Variants in GRIN2B observed in about 807,000 individuals in gnomAD.
The protein encoded by GRIN2B is glutamate receptor ionotropic, NMDA 2B.
GRIN2B carries 5 observed loss-of-function variants against 114.5 expected under a neutral mutation model. That is an observed-to-expected ratio of 0.04 (90% CI 0.02 to 0.09). The LOEUF (loss-of-function observed/expected upper bound fraction) is 0.09, where lower values mean the gene tolerates loss of function less well. Among genes scored for constraint, GRIN2B ranks in the 10% least tolerant of loss-of-function variants. The probability of loss-of-function intolerance (pLI) is 1.00; values close to 1 mark genes in which losing one functional copy is unlikely to be tolerated. For synonymous variants in GRIN2B, 787 were observed against 745.1 expected (o/e 1.06, Z -0.92); for missense variants, 1,108 against 1,943.5 (o/e 0.57, Z 8.08).
chr12:13,912,272 G>T (rs1213636128), intron 2 of GRIN2B, among the ~76,000 whole-genome samples: 1 of 152,106 alleles, frequency 6.6e-6, no homozygotes, highest in Non-Finnish European at 1.5e-5. Flanking sequence ...CACTCACAGA[G>T]AATCAGCAGA....
At chr12:13,583,952 T>C (rs1398389923) in intron 10 of GRIN2B, among the ~76,000 whole-genome samples, 1 of 151,982 alleles carries the variant, frequency 6.6e-6, no homozygotes, top group East Asian at 1.9e-4. Flanking sequence ...AGAAGGGACG[T>C]TTACTGGAAA....
rs574528227 is a variant in GRIN2B at position 13,687,317 on chromosome 12, T to C, written c.1011-11458A>G. Among the ~76,000 whole-genome samples the C allele has an allele frequency of 2.0e-5, 3 of 152,344 alleles. No individual in the cohort carries two copies. The East Asian group carries it at 5.8e-4, about 29-fold the overall frequency. On this transcript the variant is annotated intron_variant, in intron 4 of 13. Transcript: ENST00000609686. ...TTTTTTTTAGCAAGTCCCTTTTTTG[T>C]ACTTTATTATTTAAAGTAGGATAAT...
intron 3 of GRIN2B, among the ~76,000 whole-genome samples, chr12:13,811,151 G>T (rs1466494453): frequency 6.6e-6 from 1 of 152,164 alleles, no homozygotes; most frequent in African/African-American, 2.4e-5. Context: ...TTCGGGAAGG[G>T]GATAAGAAAA....
chr12:13,666,787 C>T (rs906528215), intron 5 of GRIN2B, among the ~76,000 whole-genome samples: 3 of 152,058 alleles, frequency 2.0e-5, no homozygotes, highest in East Asian at 1.9e-4. Context: ...AAAAACTCAA[C>T]GCATAAGATC....
intron 3 of GRIN2B, among the ~76,000 whole-genome samples, chr12:13,821,104 C>T (rs1864926544): frequency 6.6e-6 from 1 of 152,052 alleles, no homozygotes; most frequent in South Asian, 2.1e-4. Flanking sequence ...CTCTGTACCT[C>T]TGCTCATGCT....
At chr12:13,604,290 G>A (rs562309498) in intron 10 of GRIN2B, among the ~76,000 whole-genome samples, 28 of 152,200 alleles carry the variant, frequency 1.8e-4, no homozygotes, top group Non-Finnish European at 3.8e-4. Flanking sequence ...CAAAATGGAA[G>A]CCTTCCAGTA....
intron 2 of GRIN2B, among the ~76,000 whole-genome samples, chr12:13,969,157 A>C (rs1289410359): frequency 6.6e-6 from 1 of 152,236 alleles, no homozygotes; most frequent in East Asian, 1.9e-4. Flanking sequence ...AAGGTCCAGA[A>C]ATCAACTATT....
At chr12:13,900,431 C>T (rs369291945) in intron 2 of GRIN2B, among the ~76,000 whole-genome samples, 15 of 151,540 alleles carry the variant, frequency 9.9e-5, no homozygotes, top group African/African-American at 3.6e-4. Context: ...GCAGAGATCA[C>T]GCCATTGCAC....
intron 2 of GRIN2B, among the ~76,000 whole-genome samples, chr12:13,880,058 C>A (rs1866047115): frequency 6.6e-6 from 1 of 152,166 alleles, no homozygotes; most frequent in East Asian, 1.9e-4. Flanking sequence ...GGACCTGACA[C>A]CCCTGCACAG....
intron 3 of GRIN2B, among the ~76,000 whole-genome samples, chr12:13,857,934 G>T (rs1009311444): frequency 6.6e-6 from 1 of 152,108 alleles, no homozygotes; most frequent in East Asian, 1.9e-4. Context: ...TTCCAACCAT[G>T]ACAAAATGCC....
At chr12:13,912,504 G>A (rs1405149536) in intron 2 of GRIN2B, among the ~76,000 whole-genome samples, 1 of 152,200 alleles carries the variant, frequency 6.6e-6, no homozygotes, top group Non-Finnish European at 1.5e-5. Context: ...CAGGGAGTAT[G>A]GCCGGTCTAA....
At chr12:13,908,239 A>G (rs1456403860) in intron 2 of GRIN2B, among the ~76,000 whole-genome samples, 1 of 146,026 alleles carries the variant, frequency 6.8e-6, no homozygotes, top group African/African-American at 2.6e-5. Context: ...TACATATTTG[A>G]AAAAAAAAAC....
chr12:13,928,721 T>C (rs1181349608), intron 2 of GRIN2B, among the ~76,000 whole-genome samples: 5 of 152,254 alleles, frequency 3.3e-5, no homozygotes, highest in African/African-American at 4.8e-5. Flanking sequence ...TATTCAACTT[T>C]TATCTTGCTT....
intron 3 of GRIN2B, among the ~76,000 whole-genome samples, chr12:13,785,153 A>G (rs1380770316): frequency 1.3e-5 from 2 of 152,208 alleles, no homozygotes; most frequent in African/African-American, 2.4e-5. Context: ...ACATGTCTGC[A>G]TGTGTCATTT....
intron 3 of GRIN2B, among the ~76,000 whole-genome samples, chr12:13,838,925 T>A (rs760173440): frequency 1.3e-5 from 2 of 152,220 alleles, no homozygotes; most frequent in Non-Finnish European, 2.9e-5. Context: ...ATACTCATGT[T>A]CACTGACAAC....
At chr12:13,608,878 G>T (rs781617673) in intron 9 of GRIN2B, 46 bp from the exon 10 acceptor site, 2 of 1,415,858 alleles carry the variant, frequency 1.4e-6, no homozygotes, top group East Asian at 2.3e-5. Flanking sequence ...CATTGTGGCT[G>T]GTTCTGTTGA....
At position 13,550,352 on chromosome 12, in the gene GRIN2B, A is replaced by G. The variant is rs1157572549; in HGVS notation, c.*12431T>C. 3 of 152,164 alleles carry G rather than the reference A, an allele frequency of 2.0e-5. No homozygotes were observed. The highest frequency in any genetic ancestry group is 4.8e-5 in the African/African-American group (2 of 41,440). The allele number at this position is 152,164 out of a possible 1,614,324, so 9.4% of individuals were successfully genotyped here. A position where few individuals can be genotyped will look rare whatever the true frequency, so the allele number is the denominator to read the frequency against. On this transcript the variant is annotated 3_prime_UTR_variant, in exon 14 of 14. Transcript: ENST00000609686. ...CTGCAGGAGCTCAGTGCCTCTTTAC[A>G]TGGGAATAAGCTAAAAATGCTCGAG...
At chr12:13,912,463 C>T (rs1347035926) in intron 2 of GRIN2B, among the ~76,000 whole-genome samples, 2 of 152,188 alleles carry the variant, frequency 1.3e-5, no homozygotes, top group African/African-American at 4.8e-5. Context: ...ACGTATTGAA[C>T]ATGACCTACA....
chr12:13,718,489 G>A (rs1170951146), intron 4 of GRIN2B, among the ~76,000 whole-genome samples: 1 of 152,050 alleles, frequency 6.6e-6, no homozygotes, highest in African/African-American at 2.4e-5. Context: ...GGTGGGGTGA[G>A]GAGAAGCCGG....
Sources: gnomAD v4.1 joint callset for allele counts (sites outside exome capture counted in the v4.1 genomes callset) on GRCh38, gnomAD v4.1.1 for gene constraint, MANE v1.5 for transcripts, NCBI Gene and HGNC (gene_info 2026-07-23, HGNC 2026-07-21) for gene names.